The following GREB1L variants were observed in gnomAD, a reference collection of about 807,000 sequenced individuals.
The protein encoded by GREB1L is GREB1-like protein.
In GREB1L, 17 loss-of-function variants were observed where a neutral mutation model predicts 200.8. The ratio of observed to expected loss-of-function variants is 0.08; its 90% confidence interval spans 0.06 to 0.13. The LOEUF (loss-of-function observed/expected upper bound fraction) is 0.13. Ranked by LOEUF, GREB1L falls within the 10% of genes least tolerant of loss-of-function variation. GREB1L has a pLI of 1.00. For synonymous variants in GREB1L, 789 were observed against 893.0 expected (o/e 0.88, Z 2.08); for missense variants, 1,657 against 2,367.7 (o/e 0.70, Z 6.23).
intron 1 of GREB1L, among the ~76,000 whole-genome samples, chr18:21,279,374 T>C (rs1019876066): frequency 1.3e-5 from 2 of 152,156 alleles, no homozygotes; most frequent in African/African-American, 4.8e-5. Flanking sequence ...ATGCCTAAAT[T>C]TCTTTATCAT....
chr18:21,525,371 C>A lies in GREB1L; in HGVS notation c.*2550C>A, dbSNP rs1598969193. 6.6e-6 allele frequency: 1 copy of A among 151,938 alleles called. No homozygotes were observed. Among genetic ancestry groups the A allele is most frequent in the East Asian group, 1.9e-4 (1 of 5,196 alleles). The allele number at this position is 151,938 out of a possible 1,614,324, so 9.4% of individuals were successfully genotyped here. A position where few individuals can be genotyped will look rare whatever the true frequency, so the allele number is the denominator to read the frequency against. On this transcript the variant is annotated 3_prime_UTR_variant, in exon 33 of 33. Transcript: ENST00000424526. ...TTGTGTCTACTGTTATATTTTTGTC[C>A]TTTGATTTAATTTGCTTAATGTATT...
chr18:21,413,510 G>A (rs1320941631), intron 7 of GREB1L, among the ~76,000 whole-genome samples: 2 of 151,986 alleles, frequency 1.3e-5, no homozygotes, highest in Non-Finnish European at 2.9e-5. Context: ...TCCAAATATG[G>A]TGGGAACCCT....
Position 21,508,513 on chromosome 18 carries a change from G to A in GREB1L, c.4657G>A (p.Glu1553Lys). 6.4e-7 allele frequency: 1 copy of A among 1,551,798 alleles called. No individual in the cohort carries two copies. Among genetic ancestry groups the A allele is most frequent in the Non-Finnish European group, 8.7e-7 (1 of 1,147,036 alleles). ...TCACCTCCTGGTGGTCAAAGAGTAT[G>A]AGATGCCTCTGTACCGCAAGTACTG... is the stretch of plus-strand genomic sequence containing the variant. ...HLHLLVVKEY[E>K]MPLYRKYWPN... The change falls in exon 27 of 33, where the codon GAG becomes AAG. Residue 1553 changes from glutamate to lysine, a missense_variant. By Grantham distance (56) the Glu-to-Lys change is moderately conservative. Coordinates refer to ENST00000424526, the MANE Select transcript of GREB1L (RefSeq NM_001142966.3).
chr18:21,381,715 T>C (rs1253685544), intron 2 of GREB1L, among the ~76,000 whole-genome samples: 2 of 152,114 alleles, frequency 1.3e-5, no homozygotes, highest in African/African-American at 4.8e-5. Context: ...CTAGTAGTAG[T>C]TTGATGATGT....
intron 1 of GREB1L, among the ~76,000 whole-genome samples, chr18:21,284,943 C>T (rs576611925): frequency 6.6e-6 from 1 of 152,182 alleles, no homozygotes; most frequent in East Asian, 1.9e-4. Context: ...TATTGAGCAC[C>T]TTTTCATCTG....
chr18:21,296,346 A>G (rs1457166052), intron 1 of GREB1L, among the ~76,000 whole-genome samples: 5 of 152,180 alleles, frequency 3.3e-5, no homozygotes, highest in Admixed American at 2.0e-4. Context: ...AACAAATATC[A>G]CATGTTCTCA....
chr18:21,304,278 A>G (rs1189458422), intron 1 of GREB1L, among the ~76,000 whole-genome samples: 1 of 151,886 alleles, frequency 6.6e-6, no homozygotes, highest in East Asian at 1.9e-4. Flanking sequence ...ATTCTCTGAT[A>G]TAAGTTATTG....
Position 21,292,188 on chromosome 18 carries a change from T to C in GREB1L, c.-120+49795T>C, listed in dbSNP as rs183555374. Among the ~76,000 whole-genome samples the C allele has an allele frequency of 1.2e-3, 179 of 152,338 alleles. 4 individuals are homozygous for C. Among genetic ancestry groups the C allele is most frequent in the Admixed American group, 0.012 (179 of 15,298 alleles). ...TTACATGGGAAGCCTTGTTAGGTGC[T>C]ACTGGCATCAATAAGTAACTGTCCA... On this transcript the variant is annotated intron_variant, in intron 1 of 32. Transcript: ENST00000424526.
chr18:21,523,325 A>C lies in GREB1L; in HGVS notation c.*504A>C, dbSNP rs2037634418. On this transcript the variant is annotated 3_prime_UTR_variant, in exon 33 of 33. Transcript: ENST00000424526. ...GGTTTGAAATGATAGAATGTAGACGATATTTGTATTTAAAAAAAGAAGTAG... is the reference window on the plus strand; with the variant it reads ...GGTTTGAAATGATAGAATGTAGACGCTATTTGTATTTAAAAAAAGAAGTAG... 1 of 152,186 alleles carries C rather than the reference A, an allele frequency of 6.6e-6. No homozygotes were observed. The highest frequency in any genetic ancestry group is 2.1e-4 in the South Asian group (1 of 4,824). The allele number at this position is 152,186 out of a possible 1,614,324, so 9.4% of individuals were successfully genotyped here.
At chr18:21,245,264 C>A (rs1198721052) in intron 1 of GREB1L, among the ~76,000 whole-genome samples, 1 of 152,128 alleles carries the variant, frequency 6.6e-6, no homozygotes, top group Non-Finnish European at 1.5e-5. Flanking sequence ...TTTCTAAAAG[C>A]ACCGCTGATG....
At chr18:21,321,672 A>G (rs1472121783) in intron 1 of GREB1L, among the ~76,000 whole-genome samples, 1 of 152,206 alleles carries the variant, frequency 6.6e-6, no homozygotes, top group Non-Finnish European at 1.5e-5. Flanking sequence ...TGGGCGACAC[A>G]GTGAGACTAT....
At chr18:21,305,017 T>C (rs1263750563) in intron 1 of GREB1L, among the ~76,000 whole-genome samples, 1 of 151,984 alleles carries the variant, frequency 6.6e-6, no homozygotes, top group Non-Finnish European at 1.5e-5. Context: ...TGTCGCTCTG[T>C]TGCCAGGCTG....
Position 21,523,861 on chromosome 18 carries a change from T to C in GREB1L, c.*1040T>C, listed in dbSNP as rs1205203878. The stretch of plus-strand genomic sequence containing the variant: ...AGCCATAGAAAGAGAAATGTTTTTT[T>C]ACTTAATCTTACCAGTGACTCTTGT... On this transcript the variant is annotated 3_prime_UTR_variant, in exon 33 of 33. Coordinates refer to ENST00000424526, the MANE Select transcript of GREB1L (RefSeq NM_001142966.3). 1 of 152,250 alleles carries C rather than the reference T, an allele frequency of 6.6e-6. No individual in the cohort carries two copies. Among genetic ancestry groups the C allele is most frequent in the Non-Finnish European group, 1.5e-5 (1 of 68,044 alleles). The allele number at this position is 152,250 out of a possible 1,614,324, so 9.4% of individuals were successfully genotyped here. A position where few individuals can be genotyped will look rare whatever the true frequency, so the allele number is the denominator to read the frequency against.
chr18:21,266,469 T>G (rs1041921673), intron 1 of GREB1L, among the ~76,000 whole-genome samples: 4 of 152,152 alleles, frequency 2.6e-5, no homozygotes, highest in African/African-American at 9.7e-5. Flanking sequence ...CTTCAGGGAT[T>G]TTGTGGTGAG....
chr18:21,407,161 A>G (rs1463510839), intron 7 of GREB1L, among the ~76,000 whole-genome samples: 1 of 152,178 alleles, frequency 6.6e-6, no homozygotes, highest in Non-Finnish European at 1.5e-5. Context: ...GGCATGAGTC[A>G]CCGCACCTGG....
chr18:21,379,857 G>A (rs777517492), intron 2 of GREB1L, among the ~76,000 whole-genome samples: 57 of 152,160 alleles, frequency 3.7e-4, no homozygotes, highest in Non-Finnish European at 6.9e-4. Flanking sequence ...TATTGTACTG[G>A]TGGGGAGTCT....
intron 1 of GREB1L, among the ~76,000 whole-genome samples, chr18:21,316,206 A>G (rs2038866296): frequency 6.6e-6 from 1 of 152,166 alleles, no homozygotes; most frequent in South Asian, 2.1e-4. Context: ...GCAAGGGAGC[A>G]TTTGCCTGGT....
At chr18:21,515,745 G>C in intron 29 of GREB1L, 101 bp downstream of exon 29, 1 of 848,426 alleles carries the variant, frequency 1.2e-6, no homozygotes, top group South Asian at 1.7e-5. Flanking sequence ...CTTCAGTTGA[G>C]AAGCTGACTC....
intron 15 of GREB1L, among the ~76,000 whole-genome samples, chr18:21,467,820 T>A (rs566082243): frequency 2.0e-5 from 3 of 152,060 alleles, no homozygotes; most frequent in African/African-American, 4.8e-5. Flanking sequence ...GTCAGGAGAT[T>A]GAGAGCATTC....
Sources: allele counts gnomAD v4.1 joint callset (sites outside exome capture counted in the v4.1 genomes callset), GRCh38; gene constraint gnomAD v4.1.1; transcripts MANE v1.5; gene names NCBI Gene and HGNC (gene_info 2026-07-23, HGNC 2026-07-21).